Variants in FA2H observed in about 807,000 individuals in gnomAD.
The protein encoded by FA2H is fatty acid alpha-hydroxylase.
A neutral mutation model predicts 44.9 loss-of-function variants in FA2H; 22 were observed. The observed-to-expected ratio is 0.49, with a 90% CI of 0.35 to 0.70. The LOEUF (loss-of-function observed/expected upper bound fraction) is 0.70, where lower values mean the gene tolerates loss of function less well. Ranked by LOEUF, FA2H falls within the 30% of genes least tolerant of loss-of-function variation. The pLI, the probability that FA2H is intolerant of heterozygous loss-of-function variation, is 0.01. For missense variants in FA2H, 501 were observed against 504.9 expected, an observed-to-expected ratio of 0.99 and a Z score of 0.07; for synonymous variants, 243 against 213.2, an observed-to-expected ratio of 1.14 and a Z score of -1.22.
At chr16:74,725,536 C>G (rs543067471) in intron 4 of FA2H, among the ~76,000 whole-genome samples, 12 of 152,366 alleles carry the variant, frequency 7.9e-5, no homozygotes, top group East Asian at 3.9e-4. Flanking sequence ...TGGGGCGCAC[C>G]TGGTATCCAC....
At chr16:74,769,899 G>A (rs924650139) in intron 1 of FA2H, among the ~76,000 whole-genome samples, 14 of 152,238 alleles carry the variant, frequency 9.2e-5, no homozygotes, top group Non-Finnish European at 1.6e-4. Context: ...GTCCAAGGCC[G>A]TGGCAGGCAG....
At chr16:74,726,777 T>C (rs762798574) in intron 3 of FA2H, among the ~76,000 whole-genome samples, 2 of 151,946 alleles carry the variant, frequency 1.3e-5, no homozygotes, top group Non-Finnish European at 2.9e-5. Context: ...AGACCTGGGG[T>C]CAAAGGGACA....
At chr16:74,741,548 T>C (rs1218781432) in intron 1 of FA2H, among the ~76,000 whole-genome samples, 1 of 151,966 alleles carries the variant, frequency 6.6e-6, no homozygotes, top group Non-Finnish European at 1.5e-5. Context: ...GCCACCTCTG[T>C]CTTCTGGGCC....
chr16:74,735,469 T>C lies in FA2H; in HGVS notation c.363+4554A>G, dbSNP rs530360611. Among the ~76,000 whole-genome samples the C allele has an allele frequency of 1.1e-4, 17 of 152,130 alleles. No homozygotes were observed. The South Asian group carries it at 3.5e-3, about 32-fold the overall frequency. ...TGGCCTCAGGCTCACCCCACGAGGA[T>C]TCAGGCAGCGGAGAGTGGATAGGGA... On this transcript the variant is annotated intron_variant, in intron 2 of 6. Coordinates refer to ENST00000219368, the MANE Select transcript of FA2H (RefSeq NM_024306.5).
intron 2 of FA2H, among the ~76,000 whole-genome samples, chr16:74,731,901 C>G (rs1962077652): frequency 6.6e-6 from 1 of 152,120 alleles, no homozygotes; most frequent in East Asian, 1.9e-4. Flanking sequence ...GAGACAGGGA[C>G]TTGCTCTGTT....
At chr16:74,729,540 A>G (rs1487643333) in intron 2 of FA2H, among the ~76,000 whole-genome samples, 1 of 152,252 alleles carries the variant, frequency 6.6e-6, no homozygotes. Context: ...AAATGGACAC[A>G]TAATGGAGAG....
chr16:74,728,010 T>C (rs933627201), intron 2 of FA2H, among the ~76,000 whole-genome samples: 2 of 152,240 alleles, frequency 1.3e-5, no homozygotes, highest in African/African-American at 4.8e-5. Context: ...TTGTTTCATG[T>C]AGCTTAGTGC....
At chr16:74,764,882 T>C (rs1962779137) in intron 1 of FA2H, among the ~76,000 whole-genome samples, 1 of 152,056 alleles carries the variant, frequency 6.6e-6, no homozygotes, top group African/African-American at 2.4e-5. Context: ...GTCACCCAGG[T>C]ACTTATAGCT....
Position 74,734,595 on chromosome 16 carries a change from C to T in FA2H, c.363+5428G>A, listed in dbSNP as rs538830624. Among the ~76,000 whole-genome samples, 7 of 152,224 alleles carry T rather than the reference C, an allele frequency of 4.6e-5. No homozygotes were observed. The South Asian group carries it at 6.2e-4, about 13-fold the overall frequency. On this transcript the variant is annotated intron_variant, in intron 2 of 6. Transcript: ENST00000219368. ...GCCAGGAATGTGGCCCACAGCAGCA[C>T]GGCAGGGGGAAAGGGCAGCCTGCTG... is the stretch of plus-strand genomic sequence containing the variant.
At chr16:74,745,120 C>A (rs568230124) in intron 1 of FA2H, among the ~76,000 whole-genome samples, 28 of 152,300 alleles carry the variant, frequency 1.8e-4, no homozygotes, top group Middle Eastern at 3.4e-3. Context: ...CATCCCAGTC[C>A]CTCCAGGCCT....
chr16:74,762,795 TGGGATTACA>T (rs1962736929), intron 1 of FA2H, among the ~76,000 whole-genome samples: 1 of 152,234 alleles, frequency 6.6e-6, no homozygotes, highest in Non-Finnish European at 1.5e-5. Context: ...CCCAAAGTTC[TGGGATTACA>T]GGCATGAGCC....
At chr16:74,740,868 C>T (rs1175723335) in intron 1 of FA2H, among the ~76,000 whole-genome samples, 2 of 152,076 alleles carry the variant, frequency 1.3e-5, no homozygotes, top group East Asian at 3.9e-4. Flanking sequence ...GCTCACAGGG[C>T]CACACTGATG....
chr16:74,757,563 T>C (rs1015306641), intron 1 of FA2H, among the ~76,000 whole-genome samples: 1 of 152,190 alleles, frequency 6.6e-6, no homozygotes, highest in Non-Finnish European at 1.5e-5. Flanking sequence ...ACTGACGTAA[T>C]AGATAAAAGC....
intron 5 of FA2H, 145 bp downstream of exon 5, chr16:74,718,842 GC>G: frequency 3.2e-6 from 3 of 933,104 alleles, no homozygotes; most frequent in Non-Finnish European, 5.0e-6. Context: ...CAACCCAGTT[GC>G]CCCGTGAGTC....
chr16:74,755,527 G>A (rs905714119), intron 1 of FA2H, among the ~76,000 whole-genome samples: 1 of 152,134 alleles, frequency 6.6e-6, no homozygotes, highest in Non-Finnish European at 1.5e-5. Flanking sequence ...ATCCTTTGCT[G>A]CATATAACCA....
chr16:74,752,878 G>A (rs774533896), intron 1 of FA2H, among the ~76,000 whole-genome samples: 14 of 152,140 alleles, frequency 9.2e-5, no homozygotes, highest in Non-Finnish European at 1.2e-4. Context: ...GGAGGCCATC[G>A]CAGATCTCCC....
intron 1 of FA2H, among the ~76,000 whole-genome samples, chr16:74,748,582 G>A (rs1597562676): frequency 1.3e-5 from 2 of 152,112 alleles, no homozygotes; most frequent in Non-Finnish European, 2.9e-5. Context: ...CCTCGTGGAG[G>A]ACTCTCTGGG....
At chr16:74,743,862 A>C (rs1962362742) in intron 1 of FA2H, among the ~76,000 whole-genome samples, 1 of 152,188 alleles carries the variant, frequency 6.6e-6, no homozygotes, top group African/African-American at 2.4e-5. Flanking sequence ...ACATGGGAGG[A>C]GACTCCAAGG....
At chr16:74,718,083 G>A (rs1390423842) in intron 5 of FA2H, among the ~76,000 whole-genome samples, 1 of 152,172 alleles carries the variant, frequency 6.6e-6, no homozygotes, top group Non-Finnish European at 1.5e-5. Flanking sequence ...ACTCTGGGGA[G>A]AGCCGGGAGG....
Sources: gnomAD v4.1 joint callset for allele counts (sites outside exome capture counted in the v4.1 genomes callset) on GRCh38, gnomAD v4.1.1 for gene constraint, MANE v1.5 for transcripts, NCBI Gene and HGNC (gene_info 2026-07-23, HGNC 2026-07-21) for gene names.